The following DPP6 variants were observed in gnomAD, a reference collection of about 807,000 sequenced individuals.
DPP6 encodes the protein dipeptidyl peptidase like 6.
DPP6 carries 69 observed loss-of-function variants against 122.6 expected under a neutral mutation model. The observed-to-expected ratio is 0.56, with a 90% CI of 0.46 to 0.69. The LOEUF (loss-of-function observed/expected upper bound fraction) is 0.69, where lower values mean the gene tolerates loss of function less well. Ranked by LOEUF, DPP6 falls within the 30% of genes least tolerant of loss-of-function variation. The pLI, the probability that DPP6 is intolerant of heterozygous loss-of-function variation, is 0.00. For synonymous variants in DPP6, 418 were observed against 433.1 expected (o/e 0.97, Z 0.43); for missense variants, 928 against 1,116.9 (o/e 0.83, Z 2.41).
At chr7:154,626,212 A>G (rs1304880674) in intron 5 of DPP6, among the ~76,000 whole-genome samples, 1 of 152,208 alleles carries the variant, frequency 6.6e-6, no homozygotes, top group South Asian at 2.1e-4. Flanking sequence ...TGAGCTGAAG[A>G]CACATAGGAG....
intron 1 of DPP6, among the ~76,000 whole-genome samples, chr7:154,390,008 G>C (rs7804523): frequency 0.045 from 6,914 of 152,322 alleles, 289 homozygotes; most frequent in East Asian, 0.11. Context: ...CTGCCAGAAT[G>C]TATGCATTCA....
chr7:154,020,847 G>T (rs1798663321), intron 1 of DPP6, among the ~76,000 whole-genome samples: 1 of 152,116 alleles, frequency 6.6e-6, no homozygotes, highest in South Asian at 2.1e-4. Flanking sequence ...GGTGAACTTG[G>T]TGGAAGGGGG....
intron 1 of DPP6, among the ~76,000 whole-genome samples, chr7:153,975,241 TAAA>T (rs200456692): frequency 1.4e-4 from 2 of 14,642 alleles, no homozygotes; most frequent in African/African-American, 2.5e-4. Context: ...ATTCTTAGTT[TAAA>T]AAAAAAAAAT....
At chr7:153,845,437 T>G in the DPP6 span, among the ~76,000 whole-genome samples, 2 of 152,010 alleles carry the variant, frequency 1.3e-5, no homozygotes, top group Non-Finnish European at 2.9e-5. Flanking sequence ...TGCTAAACTT[T>G]TGATCAGTTT....
At chr7:154,496,880 T>C (rs1385786761) in intron 3 of DPP6, among the ~76,000 whole-genome samples, 1 of 152,194 alleles carries the variant, frequency 6.6e-6, no homozygotes, top group African/African-American at 2.4e-5. Flanking sequence ...GAATTTTGGA[T>C]ATGCTTTTAT....
rs769343670 is a variant in DPP6, at chr7:154,325,752, G to A, written c.244-120462G>A. On this transcript the variant is annotated intron_variant, in intron 1 of 25. Coordinates refer to ENST00000377770, the MANE Select transcript of DPP6 (RefSeq NM_130797.4). ...AAGACTGTCAGTATTCAATACATAT[G>A]ATTAATAATCAGAGGGAAGACACTT... Among the ~76,000 whole-genome samples the A allele has an allele frequency of 1.1e-3, 173 of 152,252 alleles. 3 individuals carry two copies. Among genetic ancestry groups the A allele is most frequent in the Middle Eastern group, 6.8e-3 (2 of 294 alleles).
rs144793187 is a variant in DPP6 at position 154,269,438 on chromosome 7, G to T, written c.244-176776G>T. On this transcript the variant is annotated intron_variant, in intron 1 of 25. Coordinates refer to ENST00000377770, the MANE Select transcript of DPP6 (RefSeq NM_130797.4). ...CGTAGTCAGTGGTCACTCAGCCTTG[G>T]TTCCCCTTGTCCTGCCCTTCTCCTG... Among the ~76,000 whole-genome samples, 1,174 of 152,246 alleles carry T rather than the reference G, an allele frequency of 7.7e-3. 24 individuals carry two copies. Among genetic ancestry groups the T allele is most frequent in the African/African-American group, 0.025 (1,053 of 41,540 alleles).
chr7:154,893,436 C>T lies in DPP6; in HGVS notation c.*956C>T, dbSNP rs1461714200. On this transcript the variant is annotated 3_prime_UTR_variant, in exon 26 of 26. Coordinates refer to ENST00000377770, the MANE Select transcript of DPP6 (RefSeq NM_130797.4). ...TCCTTGGTACCGTATCAAGCTCTTT[C>T]CCATGACATTTGGTTTAAAAAAAAA... 3.0e-5 allele frequency: 4 copies of T among 135,014 alleles called. No homozygotes were observed. Among genetic ancestry groups the T allele is most frequent in the Non-Finnish European group, 6.1e-5 (4 of 65,492 alleles). The allele number at this position is 135,014 out of a possible 1,614,324, so 8.4% of individuals were successfully genotyped here.
chr7:154,828,690 T>C (rs1047852492), intron 16 of DPP6, among the ~76,000 whole-genome samples: 1 of 152,204 alleles, frequency 6.6e-6, no homozygotes, highest in Non-Finnish European at 1.5e-5. Flanking sequence ...GTATGATCAT[T>C]ATAGTTCAGG....
chr7:154,638,015 T>TGGGACTCTCC, intron 6 of DPP6, 142 bp downstream of exon 6: 1 of 883,032 alleles, frequency 1.1e-6, no homozygotes, highest in Non-Finnish European at 1.7e-6. Context: ...GTGGCACCTC[T>TGGGACTCTCC]GGGACTCTCC....
Position 154,052,552 on chromosome 7 carries a change from A to G in DPP6, c.-269A>G. On this transcript the variant is annotated 5_prime_UTR_variant, in exon 1 of 26. Transcript: ENST00000377770. The surrounding 1 kb of genome is among the most constrained non-coding windows in gnomAD (Gnocchi z 4.8). ...GGGAAAAAAATTATAAAAACAGGAA[A>G]GAGAGAAAGCACAGCCAGAGCCCCG... The G allele has an allele frequency of 9.7e-7, 1 of 1,028,422 alleles. No homozygotes were observed. The allele number at this position is 1,028,422 out of a possible 1,614,324, so 63.7% of individuals were successfully genotyped here. A position where few individuals can be genotyped will look rare whatever the true frequency, so the allele number is the denominator to read the frequency against.
chr7:154,759,716 G>T (rs560995714), intron 8 of DPP6, among the ~76,000 whole-genome samples: 3 of 152,268 alleles, frequency 2.0e-5, no homozygotes, highest in Admixed American at 2.0e-4. Context: ...TCCCTGTAAG[G>T]CCCCTCTCTG....
chr7:153,748,411 T>C, the DPP6 span, among the ~76,000 whole-genome samples: 1 of 108,920 alleles, frequency 9.2e-6, no homozygotes, highest in Non-Finnish European at 1.9e-5. Context: ...GCCTGAGCTT[T>C]TGAGGGTGAG....
At position 154,014,681 on chromosome 7, in the gene DPP6, A is replaced by G. The variant is rs142997884; in HGVS notation, c.51+126947A>G. ...TGTGTCAAAAAAAAAGAAGAAAGAA[A>G]AAAGAAAAAAAAATCATGGGCTAGC... On this transcript the variant is annotated intron_variant, in intron 1 of 25. Coordinates refer to the DPP6 transcript ENST00000404039. Among the ~76,000 whole-genome samples, 729 of 152,140 alleles carry G rather than the reference A, an allele frequency of 4.8e-3. 10 individuals are homozygous for G. Among genetic ancestry groups the G allele is most frequent in the African/African-American group, 0.017 (703 of 41,482 alleles).
intron 17 of DPP6, among the ~76,000 whole-genome samples, chr7:154,860,307 A>G (rs1318907998): frequency 2.0e-5 from 3 of 152,182 alleles, no homozygotes; most frequent in Non-Finnish European, 4.4e-5. Context: ...ATGGCATTCC[A>G]GAGGGCCCAC....
intron 7 of DPP6, among the ~76,000 whole-genome samples, chr7:154,703,862 G>C (rs1260352247): frequency 1.3e-5 from 2 of 152,140 alleles, no homozygotes; most frequent in East Asian, 3.9e-4. Context: ...GCATGAACCT[G>C]GGAGGCGGAG....
At chr7:153,883,393 T>C (rs1258793248), upstream of DPP6, among the ~76,000 whole-genome samples, 2 of 151,990 alleles carry the variant, frequency 1.3e-5, no homozygotes, top group African/African-American at 2.4e-5. Context: ...TTTTGTTCTT[T>C]TTTTTTGAGA....
At chr7:154,538,140 A>G (rs1828417507) in intron 3 of DPP6, among the ~76,000 whole-genome samples, 1 of 152,222 alleles carries the variant, frequency 6.6e-6, no homozygotes, top group African/African-American at 2.4e-5. Context: ...AAAAAAAGTA[A>G]TCATACGTTC....
chr7:154,324,250 T>C (rs1212857974), intron 1 of DPP6, among the ~76,000 whole-genome samples: 1 of 152,236 alleles, frequency 6.6e-6, no homozygotes, highest in Non-Finnish European at 1.5e-5. Context: ...GGAGCTGATG[T>C]CTGCTCCTAG....
Sources: gnomAD v4.1 joint callset for allele counts (sites outside exome capture counted in the v4.1 genomes callset) on GRCh38, gnomAD v4.1.1 for gene constraint, Gnocchi (gnomAD v3.1) non-coding constraint, MANE v1.5 for transcripts, NCBI Gene and HGNC (gene_info 2026-07-23, HGNC 2026-07-21) for gene names.